TNRC6A: variants seen among roughly 807,000 people sequenced by gnomAD.
TNRC6A encodes the protein trinucleotide repeat containing adaptor 6A.
In TNRC6A, 44 loss-of-function variants were observed where a neutral mutation model predicts 221.2. The ratio of observed to expected loss-of-function variants is 0.20; its 90% CI spans 0.16 to 0.26. The LOEUF (loss-of-function observed/expected upper bound fraction) is 0.26, where lower values mean the gene tolerates loss of function less well. Among genes scored for constraint, TNRC6A ranks in the 10% least tolerant of loss-of-function variants. The pLI is 1.00. For missense variants in TNRC6A, 2,199 were observed against 2,404.4 expected (o/e 0.91, Z 1.79); for synonymous variants, 847 against 838.5 (o/e 1.01, Z -0.18).
At chr16:24,630,854 C>CCAAG (rs1403745184) in intron 1 of TNRC6A, among the ~76,000 whole-genome samples, 1 of 152,154 alleles carries the variant, frequency 6.6e-6, no homozygotes, top group African/African-American at 2.4e-5. Flanking sequence ...AAGCCAGTTC[C>CCAAG]CAGTGCCTGG....
chr16:24,627,932 C>T (rs748363172), intron 1 of TNRC6A, among the ~76,000 whole-genome samples: 4 of 150,736 alleles, frequency 2.7e-5, no homozygotes, highest in Non-Finnish European at 5.9e-5. Flanking sequence ...CTCCTGACCT[C>T]GTGATCTGCC....
intron 1 of TNRC6A, among the ~76,000 whole-genome samples, chr16:24,629,501 G>A (rs998122361): frequency 2.0e-5 from 3 of 151,932 alleles, no homozygotes; most frequent in Admixed American, 6.6e-5. Flanking sequence ...TCACCATTCC[G>A]CTTAGAGCAA....
chr16:24,770,122 G>A (rs992101195), intron 4 of TNRC6A, among the ~76,000 whole-genome samples: 3 of 152,150 alleles, frequency 2.0e-5, no homozygotes, highest in Admixed American at 1.3e-4. Flanking sequence ...AGGCAAAAAC[G>A]ACAAAAATAT....
intron 3 of TNRC6A, among the ~76,000 whole-genome samples, chr16:24,756,655 T>TG (rs755356975): frequency 3.3e-5 from 5 of 152,138 alleles, no homozygotes; most frequent in Non-Finnish European, 7.4e-5. Context: ...TGGTATACTT[T>TG]GTTTTGTTTT....
At chr16:24,771,923 T>C (rs1376754047) in intron 4 of TNRC6A, among the ~76,000 whole-genome samples, 1 of 152,248 alleles carries the variant, frequency 6.6e-6, no homozygotes, top group Non-Finnish European at 1.5e-5. Context: ...TTTTTGCATA[T>C]GCAGTGTTAC....
intron 2 of TNRC6A, among the ~76,000 whole-genome samples, chr16:24,740,114 A>G (rs960119302): frequency 1.3e-5 from 2 of 152,146 alleles, no homozygotes; most frequent in Non-Finnish European, 2.9e-5. Flanking sequence ...CTGGACTCTC[A>G]ATTCTATTCT....
Position 24,805,670 on chromosome 16 carries a change from A to G in TNRC6A, c.4188A>G (p.Gln1396=), listed in dbSNP as rs778247460. 24 of 1,614,102 alleles carry G rather than the reference A, an allele frequency of 1.5e-5. No individual in the cohort carries two copies. Among genetic ancestry groups the G allele is most frequent in the Non-Finnish European group, 1.9e-5 (22 of 1,180,032 alleles). ...GCCTGAATCCACTCTTTGGCCCTCA[A>G]CAGGTAGCCATGCTGAACCAGCTAT... The part of the protein sequence containing the change: ...NGGLNPLFGP[Q]QVAMLNQLSQ... The change falls in exon 15 of 25, where the codon CAA becomes CAG. Residue 1396 remains glutamine (Q), a synonymous_variant. Transcript: ENST00000395799.
intron 2 of TNRC6A, among the ~76,000 whole-genome samples, chr16:24,697,643 C>T (rs952816534): frequency 1.3e-5 from 2 of 152,160 alleles, no homozygotes. Flanking sequence ...CAAGATTGCA[C>T]CACTGTACTC....
intron 2 of TNRC6A, among the ~76,000 whole-genome samples, chr16:24,733,477 A>G (rs1390880299): frequency 6.6e-6 from 1 of 152,212 alleles, no homozygotes; most frequent in East Asian, 1.9e-4. Flanking sequence ...TGTTAGTATC[A>G]TGGGAGCCAT....
At chr16:24,673,946 T>C (rs1327572442) in intron 2 of TNRC6A, among the ~76,000 whole-genome samples, 1 of 152,226 alleles carries the variant, frequency 6.6e-6, no homozygotes, top group African/African-American at 2.4e-5. Context: ...CTCGTGCAGC[T>C]TGGTGCATCC....
Position 24,800,518 on chromosome 16 carries a change from GC to G in TNRC6A, c.3694+2553del, listed in dbSNP as rs752182437. ...GTGAAGAGTGCCGATAGTGGAGAAG[GC>G]ATCCTGTGAGGCTGTGGATAACAGA... On this transcript the variant is annotated intron_variant, in intron 11 of 24. Coordinates refer to ENST00000395799, the MANE Select transcript of TNRC6A (RefSeq NM_014494.4). Among the ~76,000 whole-genome samples the G allele has an allele frequency of 1.2e-4, 19 of 152,206 alleles. 2 individuals are homozygous for G. The highest frequency in any genetic ancestry group is 8.5e-4 in the Admixed American group (13 of 15,282).
In TNRC6A at chr16:24,666,668, A is replaced by AATATATATATAT. The variant is rs1555487102; in HGVS notation, n.402+25669_402+25680dup. On this transcript the variant is annotated intron_variant and non_coding_transcript_variant, in intron 2 of 2. Transcript: ENST00000566108. The stretch of plus-strand genomic sequence containing the variant: ...AAAAAAAAAAAAAAAAAAAAAAAAA[A>AATATATATATAT]ATATATATATATATATATATACATA... Among the ~76,000 whole-genome samples, 278 of 65,078 alleles carry AATATATATATAT rather than the reference A, an allele frequency of 4.3e-3. 3 individuals are homozygous for AATATATATATAT. Among genetic ancestry groups the AATATATATATAT allele is most frequent in the Admixed American group, 8.9e-3 (40 of 4,498 alleles). 42.7% of individuals were successfully genotyped at this position (65,078 alleles called of 152,430 possible). A position where few individuals can be genotyped will look rare whatever the true frequency, so the allele number is the denominator to read the frequency against.
At chr16:24,674,694 CCACACACACACACA>C (rs3219528) in intron 2 of TNRC6A, among the ~76,000 whole-genome samples, 40 of 146,268 alleles carry the variant, frequency 2.7e-4, no homozygotes, top group South Asian at 9.0e-4. Context: ...ACTGCCCCCA[CCACACACACACACA>C]CACACACACA....
upstream of TNRC6A, among the ~76,000 whole-genome samples, chr16:24,727,567 T>C (rs1596554569): frequency 1.3e-5 from 2 of 152,034 alleles, no homozygotes; most frequent in Non-Finnish European, 2.9e-5. Flanking sequence ...GGGGGCAACA[T>C]TGTCCCAATT....
At chr16:24,805,288 A>G in intron 14 of TNRC6A, 137 bp downstream of exon 14, 2 of 1,270,594 alleles carry the variant, frequency 1.6e-6, no homozygotes, top group South Asian at 1.5e-5. Flanking sequence ...TGAATTAACT[A>G]TTAAAAAAGG....
intron 1 of TNRC6A, among the ~76,000 whole-genome samples, chr16:24,619,091 C>G (rs561658304): frequency 6.6e-6 from 1 of 152,194 alleles, no homozygotes; most frequent in East Asian, 1.9e-4. Flanking sequence ...CTACTCTGTA[C>G]TTTTTCTTCA....
chr16:24,786,294 T>G (rs1210355878), intron 5 of TNRC6A, among the ~76,000 whole-genome samples: 17 of 68,338 alleles, frequency 2.5e-4, no homozygotes, highest in Admixed American at 1.5e-4. Context: ...TCCTTTTTTG[T>G]TTTTTTTTGT....
At chr16:24,819,932 A>G (rs545072248) in intron 21 of TNRC6A, among the ~76,000 whole-genome samples, 2 of 152,296 alleles carry the variant, frequency 1.3e-5, no homozygotes, top group East Asian at 3.9e-4. Flanking sequence ...GCTGTTAGTA[A>G]CAGATCAATG....
intron 2 of TNRC6A, among the ~76,000 whole-genome samples, chr16:24,717,309 T>C (rs1284602315): frequency 6.6e-6 from 1 of 152,182 alleles, no homozygotes; most frequent in East Asian, 1.9e-4. Context: ...TAAGAATCAT[T>C]ACATATAAGA....
Sources: allele counts gnomAD v4.1 joint callset (sites outside exome capture counted in the v4.1 genomes callset), GRCh38; gene constraint gnomAD v4.1.1; transcripts MANE v1.5; gene names NCBI Gene and HGNC (gene_info 2026-07-23, HGNC 2026-07-21).